CNKSR1: variants seen among roughly 807,000 people sequenced by gnomAD.
CNKSR1 encodes the protein connector enhancer of kinase suppressor of Ras 1.
A neutral mutation model predicts 95.6 loss-of-function variants in CNKSR1; 88 were observed. That is an observed-to-expected ratio of 0.92 (90% confidence interval 0.78 to 1.10). CNKSR1 has a LOEUF of 1.10. Among genes scored for constraint, CNKSR1 ranks in the 50% least tolerant of loss-of-function variants. The pLI, the probability that CNKSR1 is intolerant of heterozygous loss-of-function variation, is 0.00. For missense variants in CNKSR1, 836 were observed against 912.0 expected (o/e 0.92, Z 1.07); for synonymous variants, 355 against 369.7 (o/e 0.96, Z 0.46).
chr1:26,183,653 G>A, intron 8 of CNKSR1, 76 bp from the exon 9 acceptor site: 1 of 1,187,118 alleles, frequency 8.4e-7, no homozygotes, highest in Non-Finnish European at 1.3e-6. Context: ...AGAGCTCCCA[G>A]CACGAGGGTG....
rs2088808127 is a variant in CNKSR1 at position 26,188,777 on chromosome 1, AG to A, written c.1697del (p.Ser566MetfsTer12). ...RTSFGSLTDS[S>X]EEALEGMVRG... ...CCTGCTCTTCCCTCCCACAGACAGCAGTGAAGAGGCACTGGAAGGAATGGTA... is the reference window on the plus strand; with the variant it reads ...CCTGCTCTTCCCTCCCACAGACAGCATGAAGAGGCACTGGAAGGAATGGTA... On this transcript the variant is annotated frameshift_variant, in exon 20 of 21. Coordinates refer to ENST00000361530, the MANE Select transcript of CNKSR1 (RefSeq NM_006314.3). LOFTEE classifies it high-confidence loss of function. 2 of 1,609,738 alleles carry A rather than the reference AG, an allele frequency of 1.2e-6. No individual in the cohort carries two copies. The highest frequency in any genetic ancestry group is 4.5e-5 in the East Asian group (2 of 44,688).
At chr1:26,185,286 T>A in intron 14 of CNKSR1, 100 bp downstream of exon 14, 1 of 1,258,988 alleles carries the variant, frequency 7.9e-7, no homozygotes, top group Non-Finnish European at 1.1e-6. Context: ...GGTCCAAGGC[T>A]TTGATGTCCC....
chr1:26,183,903 A>C (rs977653443), intron 9 of CNKSR1, 73 bp downstream of exon 9: 6 of 423,286 alleles, frequency 1.4e-5, no homozygotes, highest in African/African-American at 4.6e-5. Flanking sequence ...CACCACCCCC[A>C]CACCTGCCTT....
At chr1:26,185,539 C>T (rs1238304168) in intron 14 of CNKSR1, among the ~76,000 whole-genome samples, 1 of 151,802 alleles carries the variant, frequency 6.6e-6, no homozygotes, top group Non-Finnish European at 1.5e-5. Flanking sequence ...ACTACAGGCG[C>T]CCGCCACAAC....
chr1:26,180,653 T>TG, intron 2 of CNKSR1, 43 bp downstream of exon 2: 5 of 1,613,936 alleles, frequency 3.1e-6, no homozygotes, highest in East Asian at 2.2e-5. Context: ...TCCACCAACC[T>TG]GGGGGGTGTG....
Position 26,181,959 on chromosome 1 carries a change from C to A in CNKSR1, c.477+18C>A, listed in dbSNP as rs371832424. On this transcript the variant is annotated intron_variant, in intron 4 of 20. Transcript: ENST00000361530. ...TGCATGAGGTAGGAGAACCAAGGGC[C>A]AGGCTTGGCCCATGCCCTAGAGACC... The A allele has an allele frequency of 1.6e-5, 25 of 1,611,782 alleles. No homozygotes were observed. In the African/African-American group the frequency reaches 3.1e-4, roughly 20 times the overall value.
chr1:26,189,463 C>T lies in CNKSR1; in HGVS notation c.2057C>T (p.Pro686Leu), dbSNP rs750493200. ...ILTSDSTEQS[P>L]HSLPSDPEEH... is the part of the protein sequence containing the mutation. The stretch of plus-strand genomic sequence containing the variant: ...ACCTCTGACTCCACAGAACAGTCCC[C>T]CCACTCCCTGCCCTCTGACCCTGAA... Residue 686 changes from proline to leucine, a missense_variant, in exon 21 of 21, where the codon CCC (proline) becomes CTC (leucine). Coordinates refer to ENST00000361530, the MANE Select transcript of CNKSR1 (RefSeq NM_006314.3). 18 of 1,614,068 alleles carry T rather than the reference C, an allele frequency of 1.1e-5. No homozygotes were observed. Among genetic ancestry groups the T allele is most frequent in the Non-Finnish European group, 1.5e-5 (18 of 1,179,974 alleles).
chr1:26,179,969 C>G (rs992259546), intron 1 of CNKSR1, among the ~76,000 whole-genome samples: 6 of 152,152 alleles, frequency 3.9e-5, no homozygotes, highest in African/African-American at 1.2e-4. Context: ...AATCCCACCT[C>G]TGCAAAAAAT....
chr1:26,177,493 A>C lies in CNKSR1; in HGVS notation c.-55A>C, dbSNP rs529364675. ...TTAGGCCTGGGCTCTGGGAGCGGAA[A>C]TTCCGGCGACAGCAGGGCAAAACAG... On this transcript the variant is annotated 5_prime_UTR_variant, in exon 1 of 21. Coordinates refer to ENST00000361530, the MANE Select transcript of CNKSR1 (RefSeq NM_006314.3). 3 of 1,609,860 alleles carry C rather than the reference A, an allele frequency of 1.9e-6. No homozygotes were observed. The African/African-American group carries it at 4.0e-5, about 21-fold the overall frequency.
chr1:26,184,230 G>A lies in CNKSR1; in HGVS notation c.943G>A (p.Val315Ile), dbSNP rs199807460. Residue 315 changes from valine to isoleucine, a missense_variant, in exon 11 of 21, where the codon GTC becomes ATC. Physicochemically the swap from Val to Ile is conservative, Grantham distance 29. Transcript: ENST00000361530. ...CCTCCCCAGGGCCCCATCTGAAGACGTCTTTGCCTTTGACCTGTCTTCAAA... is the reference window on the plus strand; with the variant it reads ...CCTCCCCAGGGCCCCATCTGAAGACATCTTTGCCTTTGACCTGTCTTCAAA... ...PLSPRAPSED[V>I]FAFDLSSNPS... is the part of the protein sequence containing the mutation. 9.3e-6 allele frequency: 15 copies of A among 1,613,268 alleles called. No individual in the cohort carries two copies. The highest frequency in any genetic ancestry group is 6.7e-5 in the African/African-American group (5 of 74,716).
At chr1:26,183,465 C>A (rs752878270) in intron 8 of CNKSR1, 51 bp downstream of exon 8, 11 of 1,591,734 alleles carry the variant, frequency 6.9e-6, no homozygotes, top group Non-Finnish European at 7.7e-6. Context: ...CCGAGTGGAA[C>A]CCAAGTCTGG....
Position 26,187,185 on chromosome 1 carries a change from C to T in CNKSR1, c.1326C>T (p.Gly442=), listed in dbSNP as rs2088770717. The T allele has an allele frequency of 1.2e-6, 2 of 1,613,808 alleles. No individual in the cohort carries two copies. The highest frequency in any genetic ancestry group is 1.7e-6 in the Non-Finnish European group (2 of 1,179,888). The change falls in exon 15 of 21, where the codon GGC becomes GGT. Residue 442 remains glycine (G), a synonymous_variant. Transcript: ENST00000361530. ...YRQPQDEKAE[G]LINVSNYSLE... Reference sequence around the variant, plus strand: ...CCCCCCAGGATGAGAAGGCTGAGGGCCTCATCAATGTCTCCAACTATAGTC... The same window carrying T: ...CCCCCCAGGATGAGAAGGCTGAGGGTCTCATCAATGTCTCCAACTATAGTC...
At chr1:26,189,100 G>C in intron 20 of CNKSR1, 147 bp downstream of exon 20, 1 of 1,288,354 alleles carries the variant, frequency 7.8e-7, no homozygotes, top group Non-Finnish European at 1.1e-6. Context: ...AGCGGGCTCA[G>C]CTGTGGACTG....
intron 20 of CNKSR1, 74 bp from the exon 21 acceptor site, chr1:26,189,205 G>T (rs2088819981): frequency 6.4e-7 from 1 of 1,572,010 alleles, no homozygotes; most frequent in Non-Finnish European, 8.7e-7. Context: ...CGGACCTCCG[G>T]AGTGAAGTCT....
intron 13 of CNKSR1, 33 bp downstream of exon 13, chr1:26,184,645 C>A: frequency 6.3e-7 from 1 of 1,578,896 alleles, no homozygotes; most frequent in Non-Finnish European, 8.6e-7. Flanking sequence ...TGGGGGTTCC[C>A]CTGTTTGAGG....
Position 26,182,511 on chromosome 1 carries a change from T to C in CNKSR1, c.551T>C (p.Ile184Thr). The C allele has an allele frequency of 6.2e-7, 1 of 1,613,858 alleles. No homozygotes were observed. Among genetic ancestry groups the C allele is most frequent in the Non-Finnish European group, 8.5e-7 (1 of 1,179,974 alleles). The change falls in exon 6 of 21, where the codon ATC becomes ACC. Residue 184 changes from isoleucine to threonine, a missense_variant. Ile to Thr is a moderately conservative substitution (Grantham distance 89). Coordinates refer to ENST00000361530, the MANE Select transcript of CNKSR1 (RefSeq NM_006314.3). ...CACGTGGCTGGGATCTGCCACAACA[T>C]CCTGGTCTGCTGCCCCAAGGAGCTG... ...CSHVAGICHN[I>T]LVCCPKELLE...
rs762383573 is a variant in CNKSR1 at position 26,189,271 on chromosome 1, C to A, written c.1873-8C>A. ...ATCATGGTCCCTTAGCCCCTCCTCT[C>A]CACACAGGCAAAGCTGCAGGAGCTG... On this transcript the variant is annotated splice_region_variant and splice_polypyrimidine_tract_variant and intron_variant, in intron 20 of 20. Coordinates refer to ENST00000361530, the MANE Select transcript of CNKSR1 (RefSeq NM_006314.3). 3 of 1,614,106 alleles carry A rather than the reference C, an allele frequency of 1.9e-6. No homozygotes were observed. Among genetic ancestry groups the A allele is most frequent in the Non-Finnish European group, 2.5e-6 (3 of 1,180,002 alleles).
rs768790809 is a variant in CNKSR1, at chr1:26,183,269, C to T, written c.684+13C>T. Reference sequence around the variant, plus strand: ...AGTGGACACCCAGGTGAGAGCCCCACACCCTTCTCAGCCGCCCATCCCCGA... The same window carrying T: ...AGTGGACACCCAGGTGAGAGCCCCATACCCTTCTCAGCCGCCCATCCCCGA... On this transcript the variant is annotated intron_variant, in intron 7 of 20. Transcript: ENST00000361530. 2 of 1,614,062 alleles carry T rather than the reference C, an allele frequency of 1.2e-6. No individual in the cohort carries two copies. Among genetic ancestry groups the T allele is most frequent in the Non-Finnish European group, 1.7e-6 (2 of 1,180,018 alleles).
intron 3 of CNKSR1, chr1:26,181,163 C>A: frequency 2.4e-6 from 1 of 419,420 alleles, no homozygotes; most frequent in Non-Finnish European, 4.5e-6. Flanking sequence ...CACCTGTAAT[C>A]CCAGCTACTG....
Sources: gnomAD v4.1 joint callset for allele counts (sites outside exome capture counted in the v4.1 genomes callset) on GRCh38, gnomAD v4.1.1 for gene constraint, MANE v1.5 for transcripts, NCBI Gene and HGNC (gene_info 2026-07-23, HGNC 2026-07-21) for gene names.